The following RSRP1 variants were observed in gnomAD, a reference collection of about 807,000 sequenced individuals.
RSRP1 encodes the protein arginine/serine-rich protein 1.
A neutral mutation model predicts 33.0 loss-of-function variants in RSRP1; 37 were observed. The observed-to-expected ratio is 1.12, with a 90% CI of 0.86 to 1.48. The LOEUF is 1.48. Among genes scored for constraint, RSRP1 ranks in the 40% most tolerant of loss-of-function variants. The pLI, the probability that RSRP1 is intolerant of heterozygous loss-of-function variation, is 0.00. For missense variants in RSRP1, 402 were observed against 385.3 expected (o/e 1.04, Z -0.36); for synonymous variants, 167 against 158.7 (o/e 1.05, Z -0.40).
chr1:25,314,179 G>A (rs1355672471), intron 1 of RSRP1, among the ~76,000 whole-genome samples: 1 of 132,884 alleles, frequency 7.5e-6, no homozygotes, highest in Non-Finnish European at 1.8e-5. Context: ...TTCTCTAGTA[G>A]TTTGCGCCAA....
chr1:25,268,369 A>C (rs1640388627), intron 1 of RSRP1, among the ~76,000 whole-genome samples: 1 of 131,236 alleles, frequency 7.6e-6, no homozygotes, highest in South Asian at 2.4e-4. Flanking sequence ...AAATACAAAA[A>C]TTAGCGCGGT....
upstream of RSRP1, among the ~76,000 whole-genome samples, chr1:25,252,346 AATAGAAGGTGC>A (rs1329317111): frequency 1.3e-5 from 2 of 152,038 alleles, no homozygotes; most frequent in Non-Finnish European, 2.9e-5. Context: ...TTAAGTATAA[AATAGAAGGTGC>A]ATTGAGCAAA....
At chr1:25,282,213 C>T (rs1481290792) in intron 1 of RSRP1, among the ~76,000 whole-genome samples, 1 of 132,600 alleles carries the variant, frequency 7.5e-6, no homozygotes. Context: ...GAAGTGGAAA[C>T]ACATAAATTG....
chr1:25,308,441 G>A lies in RSRP1; in HGVS notation c.-67+29537C>T, dbSNP rs1379564662. Among the ~76,000 whole-genome samples, 2 of 127,878 alleles carry A rather than the reference G, an allele frequency of 1.6e-5. 1 individual carries two copies. Among genetic ancestry groups the A allele is most frequent in the Middle Eastern group, 8.3e-3 (2 of 242 alleles). 83.9% of individuals were successfully genotyped at this position (127,878 alleles called of 152,430 possible). Reference sequence around the variant, plus strand: ...TGTTCTCTTGCAAGCTCAAGTTTTAGAACCACTGACCTATAGCCAAAAAAG... The same window carrying A: ...TGTTCTCTTGCAAGCTCAAGTTTTAAAACCACTGACCTATAGCCAAAAAAG... On this transcript the variant is annotated intron_variant, in intron 1 of 1. Coordinates refer to the RSRP1 transcript ENST00000561867.
Position 25,252,798 on chromosome 1 carries a change from G to A in RSRP1, c.-66-5769C>T, listed in dbSNP as rs557872939. On this transcript the variant is annotated intron_variant, in intron 1 of 1. Transcript: ENST00000561867. ...GATCCGCCCACCTTGGCCTCCCAAAGTGCTGGGATTACAGGCATGAGCCAT... is the reference window on the plus strand; with the variant it reads ...GATCCGCCCACCTTGGCCTCCCAAAATGCTGGGATTACAGGCATGAGCCAT... Among the ~76,000 whole-genome samples, 20 of 151,392 alleles carry A rather than the reference G, an allele frequency of 1.3e-4. No individual in the cohort carries two copies. The East Asian group carries it at 2.8e-3, about 21-fold the overall frequency.
upstream of RSRP1, among the ~76,000 whole-genome samples, chr1:25,249,778 TC>T (rs1639719214): frequency 6.6e-6 from 1 of 152,246 alleles, no homozygotes; most frequent in Non-Finnish European, 1.5e-5. Context: ...CCTTTATTTC[TC>T]TAAACAGTAT....
intron 1 of RSRP1, among the ~76,000 whole-genome samples, chr1:25,312,937 A>AAAAAAAAAAAAAAAAAAAC (rs1644234288): frequency 9.4e-6 from 1 of 106,268 alleles, no homozygotes; most frequent in Non-Finnish European, 2.3e-5. Flanking sequence ...AAAAAAAAAA[A>AAAAAAAAAAAAAAAAAAAC]AAAAAAAAAA....
chr1:25,249,219 T>TA (rs1330023317), upstream of RSRP1, among the ~76,000 whole-genome samples: 1 of 138,476 alleles, frequency 7.2e-6, no homozygotes, highest in Non-Finnish European at 1.5e-5. Flanking sequence ...GTTGGGGAAC[T>TA]AAAGTATACT....
intron 1 of RSRP1, among the ~76,000 whole-genome samples, chr1:25,281,082 G>T (rs1641453546): frequency 7.5e-6 from 1 of 132,488 alleles, no homozygotes; most frequent in South Asian, 2.3e-4. Flanking sequence ...GAGGCCTAAA[G>T]AGGGTAATGG....
At chr1:25,299,380 CA>C (rs1643206605) in intron 1 of RSRP1, among the ~76,000 whole-genome samples, 1 of 129,902 alleles carries the variant, frequency 7.7e-6, no homozygotes, top group African/African-American at 2.7e-5. Context: ...GACTCCGTCT[CA>C]AAAATAAATA....
chr1:25,298,310 G>A (rs1185606106), intron 1 of RSRP1, among the ~76,000 whole-genome samples: 1 of 122,790 alleles, frequency 8.1e-6, no homozygotes, highest in African/African-American at 2.6e-5. Context: ...TCTTCATAAC[G>A]ATTGCTTTAA....
At chr1:25,252,661 G>A (rs1305272215) in intron 1 of RSRP1, among the ~76,000 whole-genome samples, 1 of 152,026 alleles carries the variant, frequency 6.6e-6, no homozygotes, top group Non-Finnish European at 1.5e-5. Flanking sequence ...AGTCTCCTGA[G>A]TAGCTGGGAT....
intron 1 of RSRP1, chr1:25,253,207 C>A (rs1639844484): frequency 6.6e-6 from 1 of 152,300 alleles, no homozygotes; most frequent in African/African-American, 2.4e-5. Context: ...CACATCGGTG[C>A]ATACAGAATT....
At chr1:25,284,717 T>C in intron 1 of RSRP1, 1 of 1,388,930 alleles carries the variant, frequency 7.2e-7, no homozygotes, top group South Asian at 1.2e-5. Flanking sequence ...GACGGCTTCC[T>C]GAGCCAGTTC....
rs1178628281 is a variant in RSRP1 at position 25,314,302 on chromosome 1, G to A, written c.-67+23676C>T. ...CAATCAAACCTATTGTTTACATTTT[G>A]ATATCTCCAATAACTAACTAAATGG... On this transcript the variant is annotated intron_variant, in intron 1 of 1. Coordinates refer to the RSRP1 transcript ENST00000561867. Among the ~76,000 whole-genome samples, 2 of 132,276 alleles carry A rather than the reference G, an allele frequency of 1.5e-5. 1 individual carries two copies. The highest frequency in any genetic ancestry group is 3.6e-5 in the Non-Finnish European group (2 of 55,870). The allele number at this position is 132,276 out of a possible 152,430, so 86.8% of individuals were successfully genotyped here.
chr1:25,303,820 A>G (rs595776), intron 1 of RSRP1, among the ~76,000 whole-genome samples: 1 of 129,502 alleles, frequency 7.7e-6, no homozygotes, highest in Non-Finnish European at 1.8e-5. Context: ...CTCTATAGAC[A>G]TGCTTCCTCC....
intron 1 of RSRP1, among the ~76,000 whole-genome samples, chr1:25,298,311 A>G (rs1386094948): frequency 3.3e-5 from 4 of 122,744 alleles, no homozygotes; most frequent in African/African-American, 1.1e-4. Context: ...CTTCATAACG[A>G]TTGCTTTAAA....
intron 1 of RSRP1, among the ~76,000 whole-genome samples, chr1:25,274,861 G>A (rs1640810135): frequency 7.6e-6 from 1 of 131,256 alleles, no homozygotes; most frequent in Admixed American, 7.4e-5. Context: ...ATAAAAACTG[G>A]CTGGGTGTGG....
Position 25,319,270 on chromosome 1 carries a change from G to A in RSRP1, c.-67+18708C>T, listed in dbSNP as rs1644573154. On this transcript the variant is annotated intron_variant, in intron 1 of 1. Coordinates refer to the RSRP1 transcript ENST00000561867. ...AAAGACAATCATATTGTTCCTTTAA[G>A]AGTTAAGACCAACAAGTTTTCTTCT... 2.3e-5 allele frequency among the ~76,000 whole-genome samples: 3 copies of A among 131,694 alleles called. 1 individual carries two copies. Among genetic ancestry groups the A allele is most frequent in the Non-Finnish European group, 3.6e-5 (2 of 55,724 alleles). 86.4% of individuals were successfully genotyped at this position (131,694 alleles called of 152,430 possible).
Sources: allele counts gnomAD v4.1 joint callset (sites outside exome capture counted in the v4.1 genomes callset), GRCh38; gene constraint gnomAD v4.1.1; transcripts MANE v1.5; gene names NCBI Gene and HGNC (gene_info 2026-07-23, HGNC 2026-07-21).